PACRG: variants seen among roughly 807,000 people sequenced by gnomAD.
PACRG encodes parkin coregulated gene protein.
In PACRG, 29 loss-of-function variants were observed where a neutral mutation model predicts 29.7. The observed-to-expected ratio is 0.98, with a 90% CI of 0.73 to 1.33. The LOEUF (loss-of-function observed/expected upper bound fraction) is 1.33. PACRG is among the 40% of genes most tolerant of loss of function. PACRG has a pLI of 0.00. For missense variants in PACRG, 279 were observed against 316.2 expected (o/e 0.88, Z 0.89); for synonymous variants, 116 against 118.7 (o/e 0.98, Z 0.15).
chr6:162,996,955 A>T (rs1479440332), intron 2 of PACRG, among the ~76,000 whole-genome samples: 1 of 152,148 alleles, frequency 6.6e-6, no homozygotes. Context: ...CTCCAGGGAG[A>T]CATTATGTTG....
At chr6:163,072,137 A>AG (rs1411645051) in intron 3 of PACRG, among the ~76,000 whole-genome samples, 1 of 151,830 alleles carries the variant, frequency 6.6e-6, no homozygotes, top group African/African-American at 2.4e-5. Flanking sequence ...CATTAAAACA[A>AG]AAAGAAAGAA....
chr6:162,945,452 A>G (rs1180167886), intron 2 of PACRG, among the ~76,000 whole-genome samples: 1 of 152,140 alleles, frequency 6.6e-6, no homozygotes, highest in Non-Finnish European at 1.5e-5. Context: ...CAAGAGGGGT[A>G]ACAATTTTAA....
chr6:163,217,547 CG>C (rs1781412524), intron 4 of PACRG, among the ~76,000 whole-genome samples: 1 of 152,174 alleles, frequency 6.6e-6, no homozygotes. Flanking sequence ...CCCCAGCCCC[CG>C]GGCCATGGAC....
At chr6:162,947,856 C>A (rs925426303) in intron 2 of PACRG, among the ~76,000 whole-genome samples, 1 of 150,396 alleles carries the variant, frequency 6.6e-6, no homozygotes, top group Non-Finnish European at 1.5e-5. Context: ...GGAGGTGAAA[C>A]ACCTCTACAA....
intron 2 of PACRG, among the ~76,000 whole-genome samples, chr6:162,887,809 G>A (rs939977458): frequency 3.4e-5 from 5 of 147,010 alleles, no homozygotes; most frequent in African/African-American, 4.9e-5. Context: ...GCAAGAGACC[G>A]GTCTTTGGTC....
At chr6:162,803,840 A>G (rs1786085908) in intron 1 of PACRG, among the ~76,000 whole-genome samples, 1 of 152,172 alleles carries the variant, frequency 6.6e-6, no homozygotes, top group African/African-American at 2.4e-5. Context: ...ATCATAAAAT[A>G]TACAAAAAAT....
At chr6:163,304,988 G>A (rs1191803517) in intron 4 of PACRG, among the ~76,000 whole-genome samples, 1 of 152,240 alleles carries the variant, frequency 6.6e-6, no homozygotes, top group Non-Finnish European at 1.5e-5. Context: ...TATTAACTAT[G>A]ATCCAGGAGG....
At chr6:163,053,274 T>C (rs1250672619) in intron 2 of PACRG, among the ~76,000 whole-genome samples, 3 of 152,178 alleles carry the variant, frequency 2.0e-5, no homozygotes, top group African/African-American at 7.2e-5. Flanking sequence ...GGAATAGCAG[T>C]CACAGTGTGA....
intron 4 of PACRG, among the ~76,000 whole-genome samples, chr6:163,311,351 C>T (rs1222452350): frequency 6.6e-6 from 1 of 152,218 alleles, no homozygotes; most frequent in Non-Finnish European, 1.5e-5. Context: ...AAAATCCACT[C>T]CTTGCTTTCT....
intron 4 of PACRG, among the ~76,000 whole-genome samples, chr6:163,290,276 GCGCACA>G (rs1392739324): frequency 2.1e-3 from 265 of 127,694 alleles, no homozygotes; most frequent in African/African-American, 6.6e-3. Context: ...ACGCGCGCGC[GCGCACA>G]CACACACACA....
At chr6:163,250,044 G>A (rs1782841719) in intron 4 of PACRG, among the ~76,000 whole-genome samples, 1 of 152,240 alleles carries the variant, frequency 6.6e-6, no homozygotes, top group Non-Finnish European at 1.5e-5. Flanking sequence ...CTTGTGAATA[G>A]TTGGTGGCAT....
intron 1 of PACRG, among the ~76,000 whole-genome samples, chr6:162,747,190 G>C (rs1055367042): frequency 1.3e-5 from 2 of 150,822 alleles, no homozygotes; most frequent in Non-Finnish European, 2.9e-5. Context: ...ATATAAGCAG[G>C]CAGAAAAATG....
At chr6:163,121,800 C>T (rs1255830839) in intron 4 of PACRG, among the ~76,000 whole-genome samples, 1 of 151,498 alleles carries the variant, frequency 6.6e-6, no homozygotes, top group Non-Finnish European at 1.5e-5. Flanking sequence ...GTAGCTGGGA[C>T]CACAGGTACC....
intron 2 of PACRG, among the ~76,000 whole-genome samples, chr6:162,925,743 TG>T (rs1664338530): frequency 6.6e-6 from 1 of 152,128 alleles, no homozygotes; most frequent in Non-Finnish European, 1.5e-5. Flanking sequence ...CTTTGAAAAC[TG>T]GAACAAGACA....
At chr6:163,027,590 T>G (rs2128225571) in intron 2 of PACRG, among the ~76,000 whole-genome samples, 1 of 152,218 alleles carries the variant, frequency 6.6e-6, no homozygotes, top group East Asian at 1.9e-4. Flanking sequence ...ACCAGCCCCT[T>G]AATTCTCCCC....
At chr6:163,208,303 C>T (rs1296085610) in intron 4 of PACRG, among the ~76,000 whole-genome samples, 1 of 150,808 alleles carries the variant, frequency 6.6e-6, no homozygotes, top group African/African-American at 2.4e-5. Context: ...CTTTTCTTGT[C>T]CTAAGACATA....
rs1047038025 is a variant in PACRG, at chr6:162,814,200, A to G, written c.210A>G (p.Thr70=). ...TTAAAGAAAGACCAACCAAGCCCACAGCATTTCGAAAATTCTATGAGCGAG... is the reference window on the plus strand; with the variant it reads ...TTAAAGAAAGACCAACCAAGCCCACGGCATTTCGAAAATTCTATGAGCGAG... ...GAFKERPTKP[T]AFRKFYERGD... is the part of the protein sequence containing the mutation. The change falls in exon 2 of 5, where the codon ACA becomes ACG. Residue 70 remains threonine (T), a synonymous_variant. Coordinates refer to ENST00000366888, the MANE Select transcript of PACRG (RefSeq NM_001080379.2). 1 of 1,613,856 alleles carries G rather than the reference A, an allele frequency of 6.2e-7. No homozygotes were observed. Among genetic ancestry groups the G allele is most frequent in the Non-Finnish European group, 8.5e-7 (1 of 1,179,932 alleles).
chr6:162,877,741 CAT>C, intron 2 of PACRG, among the ~76,000 whole-genome samples: 1 of 152,226 alleles, frequency 6.6e-6, no homozygotes, highest in African/African-American at 2.4e-5. Context: ...TTAGGGAAGA[CAT>C]AGTGCAACGT....
chr6:162,764,018 G>A (rs1011112518), intron 1 of PACRG, among the ~76,000 whole-genome samples: 1 of 152,166 alleles, frequency 6.6e-6, no homozygotes, highest in African/African-American at 2.4e-5. Context: ...GCTCACGCCT[G>A]TAATTCCAGT....
Sources: gnomAD v4.1 joint callset for allele counts (sites outside exome capture counted in the v4.1 genomes callset) on GRCh38, gnomAD v4.1.1 for gene constraint, MANE v1.5 for transcripts, NCBI Gene and HGNC (gene_info 2026-07-23, HGNC 2026-07-21) for gene names.